Variants in CTBP1 observed in about 807,000 individuals in gnomAD.
The protein encoded by CTBP1 is C-terminal-binding protein 1.
In CTBP1, 11 loss-of-function variants were observed where a neutral mutation model predicts 42.1. The observed-to-expected ratio is 0.26, with a 90% CI of 0.16 to 0.43. The LOEUF (loss-of-function observed/expected upper bound fraction) is 0.43. Among genes scored for constraint, CTBP1 ranks in the 20% least tolerant of loss-of-function variants. The pLI, the probability that CTBP1 is intolerant of heterozygous loss-of-function variation, is 1.00. For missense variants in CTBP1, 399 were observed against 624.3 expected (o/e 0.64, Z 3.85); for synonymous variants, 324 against 277.1 (o/e 1.17, Z -1.68).
intron 5 of CTBP1, among the ~76,000 whole-genome samples, chr4:1,222,178 G>A (rs377424517): frequency 2.2e-4 from 34 of 152,324 alleles, no homozygotes; most frequent in African/African-American, 7.0e-4. Context: ...CACAGAGGGT[G>A]GGATGGGGCT....
At chr4:1,214,782 A>G (rs951896924) in intron 6 of CTBP1, among the ~76,000 whole-genome samples, 3 of 152,100 alleles carry the variant, frequency 2.0e-5, no homozygotes, top group Admixed American at 6.5e-5. Context: ...CCCCTGTGGT[A>G]CCCCTTTTCT....
intron 3 of CTBP1, chr4:1,236,341 C>T (rs1731490422): frequency 4.8e-6 from 2 of 415,146 alleles, no homozygotes; most frequent in East Asian, 4.5e-5. Context: ...ATCAGGAAAG[C>T]TGCCCAAAGG....
intron 1 of CTBP1, chr4:1,244,112 G>T: frequency 1.0e-6 from 1 of 985,372 alleles, no homozygotes. Context: ...CACGGTGGCG[G>T]CCCGATGACC....
intron 1 of CTBP1, among the ~76,000 whole-genome samples, chr4:1,245,838 A>AC (rs141314376): frequency 0.012 from 1,788 of 152,070 alleles, 48 homozygotes; most frequent in African/African-American, 0.04. Context: ...CCTGGTCCCA[A>AC]CACCGCCCAC....
chr4:1,214,591 C>A, intron 6 of CTBP1, 118 bp from the exon 7 acceptor site: 1 of 1,310,476 alleles, frequency 7.6e-7, no homozygotes, highest in East Asian at 3.0e-5. Flanking sequence ...CCCTTCCCAG[C>A]CCCACCCTGG....
chr4:1,250,299 G>A (rs1017552864), upstream of CTBP1: 8 of 243,272 alleles, frequency 3.3e-5, no homozygotes, highest in Non-Finnish European at 6.7e-5. Context: ...TGCGTGCCAC[G>A]TTCTGTTCTA....
intron 1 of CTBP1, among the ~76,000 whole-genome samples, chr4:1,247,794 A>G (rs1369319679): frequency 6.6e-6 from 1 of 151,786 alleles, no homozygotes; most frequent in Non-Finnish European, 1.5e-5. Context: ...GCTCAACGGA[A>G]CACCCTGCGC....
At chr4:1,213,318 G>A (rs1458922907) in intron 8 of CTBP1, among the ~76,000 whole-genome samples, 160 bp downstream of exon 8, 20 of 152,182 alleles carry the variant, frequency 1.3e-4, no homozygotes, top group Non-Finnish European at 2.8e-4. Flanking sequence ...GGCTCAACTT[G>A]ACTTTGGCCT....
At chr4:1,216,822 C>T (rs781368395) in intron 5 of CTBP1, 30 of 159,522 alleles carry the variant, frequency 1.9e-4, no homozygotes, top group Non-Finnish European at 4.2e-4. Context: ...CTTGAGCCAC[C>T]GTGTCTGGCT....
chr4:1,248,823 G>C (rs1341151337), intron 1 of CTBP1, 93 bp downstream of exon 1: 1 of 917,342 alleles, frequency 1.1e-6, no homozygotes, highest in Non-Finnish European at 1.3e-6. Context: ...CCGCGGGCGC[G>C]CGCTCGGTCC....
intron 3 of CTBP1, chr4:1,236,390 C>A: frequency 1.9e-6 from 1 of 528,150 alleles, no homozygotes. Flanking sequence ...GCGGGCAATG[C>A]CGAGACCGCC....
intron 8 of CTBP1, 40 bp from the exon 9 acceptor site, chr4:1,213,070 G>A: frequency 6.3e-7 from 1 of 1,585,112 alleles, no homozygotes; most frequent in Non-Finnish European, 8.6e-7. Flanking sequence ...TGGCTCTGAG[G>A]GGGCCCCAGG....
In CTBP1 at chr4:1,236,382, G is replaced by A. The variant is rs191463174; in HGVS notation, c.162+1801C>T. On this transcript the variant is annotated intron_variant, in intron 3 of 9. Coordinates refer to ENST00000382952, the MANE Select transcript of CTBP1 (RefSeq NM_001012614.2). ...CACTGCTGGACCAAAGCCAGGCCGCGGGCAATGCCGAGACCGCCCGTGTGA... is the reference window on the plus strand; with the variant it reads ...CACTGCTGGACCAAAGCCAGGCCGCAGGCAATGCCGAGACCGCCCGTGTGA... 11 of 519,454 alleles carry A rather than the reference G, an allele frequency of 2.1e-5. No individual in the cohort carries two copies. The East Asian group carries it at 2.7e-4, about 13-fold the overall frequency. 32.2% of individuals were successfully genotyped at this position (519,454 alleles called of 1,614,324 possible). A position where few individuals can be genotyped will look rare whatever the true frequency, so the allele number is the denominator to read the frequency against.
intron 5 of CTBP1, chr4:1,223,399 G>A (rs549799875): frequency 7.5e-5 from 34 of 455,046 alleles, no homozygotes; most frequent in Non-Finnish European, 1.3e-4. Context: ...ATGCACATCC[G>A]TGAACCAACC....
intron 3 of CTBP1, chr4:1,236,327 A>G: frequency 2.5e-6 from 1 of 396,422 alleles, no homozygotes; most frequent in South Asian, 3.9e-5. Flanking sequence ...CTGAGCAAAC[A>G]AGAATCAGGA....
chr4:1,245,596 G>A (rs1288918632), intron 1 of CTBP1: 1 of 981,872 alleles, frequency 1.0e-6, no homozygotes, highest in Non-Finnish European at 1.2e-6. Context: ...AGGGAAGAGT[G>A]GCACGGGAGG....
chr4:1,248,001 G>A (rs1049213846), intron 1 of CTBP1, among the ~76,000 whole-genome samples: 2 of 152,248 alleles, frequency 1.3e-5, no homozygotes, highest in Non-Finnish European at 2.9e-5. Flanking sequence ...GCCCTTGGAG[G>A]CCGCCAGAGA....
intron 5 of CTBP1, among the ~76,000 whole-genome samples, chr4:1,222,651 G>A (rs546287477): frequency 8.5e-5 from 13 of 152,264 alleles, no homozygotes; most frequent in African/African-American, 3.1e-4. Flanking sequence ...TAACGAACGG[G>A]GTGGCCACAG....
At chr4:1,222,353 C>T (rs148053506) in intron 5 of CTBP1, among the ~76,000 whole-genome samples, 9 of 151,244 alleles carry the variant, frequency 6.0e-5, no homozygotes, top group Non-Finnish European at 1.2e-4. Context: ...CCTCAGCTCC[C>T]GAGGCCGAGG....
Sources: gnomAD v4.1 joint callset for allele counts (sites outside exome capture counted in the v4.1 genomes callset) on GRCh38, gnomAD v4.1.1 for gene constraint, MANE v1.5 for transcripts, NCBI Gene and HGNC (gene_info 2026-07-23, HGNC 2026-07-21) for gene names.